Variants in TRPM1 observed in about 807,000 individuals in gnomAD.
TRPM1 encodes the protein TRPM1-203 APA Isoform, Intron 10.
In TRPM1, 113 loss-of-function variants were observed where a neutral mutation model predicts 149.4. That is an observed-to-expected ratio of 0.76 (90% CI 0.65 to 0.88). TRPM1 has a LOEUF of 0.88. Ranked by LOEUF, TRPM1 falls within the 40% of genes least tolerant of loss-of-function variation. The pLI, the probability that TRPM1 is intolerant of heterozygous loss-of-function variation, is 0.00. For synonymous variants in TRPM1, 741 were observed against 759.5 expected (o/e 0.98, Z 0.40); for missense variants, 1,976 against 2,038.7 (o/e 0.97, Z 0.59).
intron 18 of TRPM1, among the ~76,000 whole-genome samples, chr15:31,039,861 TG>T (rs1252037370): frequency 6.6e-6 from 1 of 152,148 alleles, no homozygotes; most frequent in Middle Eastern, 3.2e-3. Flanking sequence ...CCTGGTGGGC[TG>T]GTCAGGTGGG....
chr15:31,035,717 A>G, intron 20 of TRPM1, 43 bp from the exon 21 acceptor site: 1 of 1,614,010 alleles, frequency 6.2e-7, no homozygotes, highest in Non-Finnish European at 8.5e-7. Flanking sequence ...GGGGAATCAC[A>G]TAGCAATCAA....
At position 31,060,578 on chromosome 15, in the gene TRPM1, C is replaced by T. The variant is rs375956952; in HGVS notation, c.1229G>A (p.Arg410Gln). The T allele has an allele frequency of 8.7e-6, 14 of 1,614,222 alleles. No homozygotes were observed. In the East Asian group the frequency reaches 1.6e-4, roughly 18 times the overall value. ...GGGCCCAAAGACAAAGATCTGGCTTCGTGCTATGTCCACGCGGTTCCAAGC... is the reference window on the plus strand; with the variant it reads ...GGGCCCAAAGACAAAGATCTGGCTTTGTGCTATGTCCACGCGGTTCCAAGC... ...ALAWNRVDIA[R>Q]SQIFVFGPHW... The change falls in exon 11 of 28, where the codon CGA (arginine) becomes CAA (glutamine). Residue 410 changes from arginine (R) to glutamine (Q), a missense_variant. Transcript: ENST00000256552.
chr15:31,069,936 TGAA>T (rs748828382), intron 4 of TRPM1, 92 bp downstream of exon 4: 20 of 1,611,946 alleles, frequency 1.2e-5, no homozygotes, highest in Middle Eastern at 1.6e-4. Flanking sequence ...GCCACAGCCA[TGAA>T]GAAGACCAGG....
At chr15:31,122,549 T>G (rs952062698) in intron 1 of TRPM1, among the ~76,000 whole-genome samples, 1 of 152,154 alleles carries the variant, frequency 6.6e-6, no homozygotes, top group Non-Finnish European at 1.5e-5. Context: ...TATGAACAAC[T>G]GGAATTTCAA....
At chr15:31,017,376 C>G (rs1479437618) in intron 27 of TRPM1, among the ~76,000 whole-genome samples, 1 of 152,122 alleles carries the variant, frequency 6.6e-6, no homozygotes. Context: ...TGTCATGACT[C>G]TTTTTGTTTA....
chr15:31,133,012 GAGAACAGAC>G (rs2036038005), intron 1 of TRPM1, among the ~76,000 whole-genome samples: 1 of 152,208 alleles, frequency 6.6e-6, no homozygotes, highest in Non-Finnish European at 1.5e-5. Context: ...TTAGCAGCGT[GAGAACAGAC>G]TAATACAGTA....
intron 11 of TRPM1, among the ~76,000 whole-genome samples, chr15:31,055,549 C>T (rs1376930779): frequency 6.6e-6 from 1 of 152,146 alleles, no homozygotes; most frequent in Non-Finnish European, 1.5e-5. Context: ...CCACACATCC[C>T]CTCCCGGTCT....
intron 1 of TRPM1, among the ~76,000 whole-genome samples, chr15:31,117,647 C>A (rs1162989201): frequency 2.9e-5 from 2 of 69,028 alleles, no homozygotes; most frequent in African/African-American, 1.0e-4. Flanking sequence ...GATTCTGTCT[C>A]AAAGAAAAAA....
At chr15:31,124,150 T>C (rs1161630408) in intron 1 of TRPM1, among the ~76,000 whole-genome samples, 1 of 152,172 alleles carries the variant, frequency 6.6e-6, no homozygotes, top group East Asian at 1.9e-4. Flanking sequence ...CTGGGCGTGG[T>C]GGTGCACACC....
At chr15:31,080,326 G>A (rs1393084734) in intron 2 of TRPM1, among the ~76,000 whole-genome samples, 1 of 152,162 alleles carries the variant, frequency 6.6e-6, no homozygotes, top group Non-Finnish European at 1.5e-5. Context: ...TGACAGTGGA[G>A]AATTCTGGGG....
chr15:31,136,505 T>C (rs1164560146), intron 1 of TRPM1, among the ~76,000 whole-genome samples: 1 of 152,216 alleles, frequency 6.6e-6, no homozygotes, highest in African/African-American at 2.4e-5. Flanking sequence ...TGATCTGCCA[T>C]CATCACAGAT....
chr15:31,057,375 G>A (rs1411540609), intron 11 of TRPM1, among the ~76,000 whole-genome samples: 2 of 152,056 alleles, frequency 1.3e-5, no homozygotes, highest in African/African-American at 4.8e-5. Flanking sequence ...ACAGACACTG[G>A]GGCCTTTTGG....
At chr15:31,139,161 C>G (rs534256727) in intron 1 of TRPM1, among the ~76,000 whole-genome samples, 1 of 152,308 alleles carries the variant, frequency 6.6e-6, no homozygotes, top group South Asian at 2.1e-4. Flanking sequence ...TTTGCAGCTT[C>G]TGGGGCCATA....
intron 27 of TRPM1, among the ~76,000 whole-genome samples, chr15:31,022,277 A>C (rs1025083199): frequency 1.3e-5 from 2 of 152,202 alleles, no homozygotes; most frequent in African/African-American, 4.8e-5. Flanking sequence ...ATGTTGCCAA[A>C]TATTCTCCTG....
In TRPM1 at chr15:31,068,111, C is replaced by T. The variant is rs764408456; in HGVS notation, c.280-19G>A. On this transcript the variant is annotated intron_variant, in intron 4 of 27. Coordinates refer to ENST00000256552, the MANE Select transcript of TRPM1 (RefSeq NM_001252024.2). The stretch of plus-strand genomic sequence containing the variant: ...GGATATACTGTGAAAGAGTGTGTGG[C>T]ACTCAGCCTCTGTTCTTGGTTTTGC... 58 of 1,606,230 alleles carry T rather than the reference C, an allele frequency of 3.6e-5. No individual in the cohort carries two copies. The highest frequency in any genetic ancestry group is 4.7e-5 in the Non-Finnish European group (55 of 1,173,250).
At position 31,035,639 on chromosome 15, in the gene TRPM1, G is replaced by A. The variant is rs1052580763; in HGVS notation, c.2607C>T (p.Tyr869=). ...SYLGYLLLFN[Y]VILVRMDGWP... ...AGCCATCCATCCGCACCAGGATGAC[G>A]TAGTTAAACAGCAGCAGGTAGCCCA... Residue 869 remains tyrosine (Y), a synonymous_variant, in exon 21 of 28, where the codon TAC becomes TAT. Transcript: ENST00000256552. The A allele has an allele frequency of 5.6e-6, 9 of 1,614,094 alleles. No individual in the cohort carries two copies. Among genetic ancestry groups the A allele is most frequent in the African/African-American group, 1.3e-5 (1 of 74,940 alleles).
intron 27 of TRPM1, among the ~76,000 whole-genome samples, chr15:31,010,842 C>A (rs1028886179): frequency 6.6e-6 from 1 of 152,108 alleles, no homozygotes; most frequent in Admixed American, 6.5e-5. Flanking sequence ...CTGTCTAGTT[C>A]TAATATTAGT....
intron 1 of TRPM1, among the ~76,000 whole-genome samples, chr15:31,107,411 T>C (rs970370788): frequency 6.6e-6 from 1 of 152,198 alleles, no homozygotes; most frequent in South Asian, 2.1e-4. Context: ...GTGATGCCCC[T>C]TTTTCATTCC....
intron 1 of TRPM1, among the ~76,000 whole-genome samples, chr15:31,107,239 T>C (rs534213656): frequency 6.6e-6 from 1 of 152,354 alleles, no homozygotes; most frequent in East Asian, 1.9e-4. Flanking sequence ...CTTTACTTTT[T>C]ATAGGTCTGT....
Sources: allele counts gnomAD v4.1 joint callset (sites outside exome capture counted in the v4.1 genomes callset), GRCh38; gene constraint gnomAD v4.1.1; transcripts MANE v1.5; gene names NCBI Gene and HGNC (gene_info 2026-07-23, HGNC 2026-07-21).